Variants in ARNT2 observed in about 807,000 individuals in gnomAD.
ARNT2 encodes ARNT protein 2.
In ARNT2, 36 loss-of-function variants were observed where a neutral mutation model predicts 91.7. The observed-to-expected ratio is 0.39, with a 90% CI of 0.30 to 0.52. The LOEUF (loss-of-function observed/expected upper bound fraction) is 0.52. Ranked by LOEUF, ARNT2 falls within the 20% of genes least tolerant of loss-of-function variation. The pLI, the probability that ARNT2 is intolerant of heterozygous loss-of-function variation, is 0.72. For synonymous variants in ARNT2, 365 were observed against 347.1 expected (o/e 1.05, Z -0.57); for missense variants, 775 against 939.3 (o/e 0.83, Z 2.29).
intron 1 of ARNT2, among the ~76,000 whole-genome samples, chr15:80,428,415 C>G (rs1443897879): frequency 6.6e-6 from 1 of 152,206 alleles, no homozygotes; most frequent in African/African-American, 2.4e-5. Flanking sequence ...AAGTGAGGAA[C>G]CTGGATGTGG....
At chr15:80,582,776 A>G (rs1567008151) in intron 17 of ARNT2, among the ~76,000 whole-genome samples, 1 of 152,088 alleles carries the variant, frequency 6.6e-6, no homozygotes, top group East Asian at 1.9e-4. Flanking sequence ...GGAAGGAGAA[A>G]CCCCATAGCA....
At chr15:80,494,012 T>G (rs113909504) in intron 5 of ARNT2, among the ~76,000 whole-genome samples, 1,585 of 152,316 alleles carry the variant, frequency 0.01, 28 homozygotes, top group African/African-American at 0.037. Flanking sequence ...GCCATGATGC[T>G]TCCTGGAGTC....
At chr15:80,453,722 G>A (rs75665008) in intron 2 of ARNT2, among the ~76,000 whole-genome samples, 2,609 of 152,260 alleles carry the variant, frequency 0.017, 73 homozygotes, top group African/African-American at 0.059. Context: ...CTGATGGCAT[G>A]GTGTTCTTCC....
chr15:80,515,661 A>T lies in ARNT2; in HGVS notation c.877+1256A>T, dbSNP rs546585573. Among the ~76,000 whole-genome samples, 3 of 152,144 alleles carry T rather than the reference A, an allele frequency of 2.0e-5. No homozygotes were observed. The South Asian group carries it at 6.2e-4, about 32-fold the overall frequency. On this transcript the variant is annotated intron_variant, in intron 8 of 18. Coordinates refer to ENST00000303329, the MANE Select transcript of ARNT2 (RefSeq NM_014862.4). ...AGGTGTTCTAAAATTACATAGTGGT[A>T]ATAGTTGCACTGCTATGTAACTATA...
chr15:80,551,097 A>G, intron 8 of ARNT2, 102 bp from the exon 9 acceptor site: 5 of 1,151,492 alleles, frequency 4.3e-6, no homozygotes, highest in Non-Finnish European at 6.4e-6. Flanking sequence ...CATGGCCAAC[A>G]CTCACTGTAT....
At chr15:80,530,062 G>A (rs1246741576) in intron 8 of ARNT2, among the ~76,000 whole-genome samples, 3 of 152,084 alleles carry the variant, frequency 2.0e-5, no homozygotes, top group African/African-American at 7.2e-5. Flanking sequence ...CCTTAACTCG[G>A]TATCTTCTTT....
At chr15:80,409,651 A>G (rs538015479) in intron 1 of ARNT2, among the ~76,000 whole-genome samples, 3 of 152,358 alleles carry the variant, frequency 2.0e-5, no homozygotes, top group African/African-American at 4.8e-5. Flanking sequence ...CTAGCAAGAC[A>G]AATAGTCACA....
intron 1 of ARNT2, among the ~76,000 whole-genome samples, chr15:80,435,373 C>T (rs1370485472): frequency 6.6e-6 from 1 of 152,214 alleles, no homozygotes; most frequent in Non-Finnish European, 1.5e-5. Flanking sequence ...GTAACTTCCT[C>T]CTGAGAAGAG....
intron 8 of ARNT2, among the ~76,000 whole-genome samples, chr15:80,529,186 T>C (rs1322286649): frequency 6.6e-6 from 1 of 152,248 alleles, no homozygotes; most frequent in Non-Finnish European, 1.5e-5. Context: ...GGGTTTCTTC[T>C]TGGTCCCTCC....
chr15:80,551,516 GT>G (rs944888908), intron 9 of ARNT2, among the ~76,000 whole-genome samples: 2 of 152,138 alleles, frequency 1.3e-5, no homozygotes, highest in Non-Finnish European at 2.9e-5. Context: ...GCTTGTGCTG[GT>G]TGCCACAAAC....
intron 3 of ARNT2, among the ~76,000 whole-genome samples, chr15:80,458,194 T>G (rs868209535): frequency 2.0e-5 from 3 of 152,268 alleles, no homozygotes; most frequent in Admixed American, 6.5e-5. Context: ...AATAAGTTAT[T>G]AACTCTGTTT....
At chr15:80,433,589 A>G (rs8034099) in intron 1 of ARNT2, among the ~76,000 whole-genome samples, 124,708 of 152,082 alleles carry the variant, frequency 0.82, 51,249 homozygotes, top group East Asian at 0.86. Context: ...GTGAGCCACC[A>G]CACCCAGCCT....
chr15:80,410,541 G>A (rs75951799), intron 1 of ARNT2, among the ~76,000 whole-genome samples: 1 of 152,312 alleles, frequency 6.6e-6, no homozygotes, highest in African/African-American at 2.4e-5. Context: ...AGGAAACAAA[G>A]AGGGATGTTG....
chr15:80,509,461 T>C (rs1343803229), intron 6 of ARNT2, among the ~76,000 whole-genome samples: 2 of 146,014 alleles, frequency 1.4e-5, no homozygotes, highest in Non-Finnish European at 3.0e-5. Context: ...GAGACTAAAA[T>C]AATAATAATA....
At chr15:80,463,403 C>T (rs1896589935) in intron 3 of ARNT2, among the ~76,000 whole-genome samples, 1 of 152,224 alleles carries the variant, frequency 6.6e-6, no homozygotes, top group South Asian at 2.1e-4. Flanking sequence ...ATGAACCAGA[C>T]AAGTGTTGCA....
chr15:80,531,604 A>G (rs1294773126), intron 8 of ARNT2, among the ~76,000 whole-genome samples: 1 of 152,200 alleles, frequency 6.6e-6, no homozygotes, highest in African/African-American at 2.4e-5. Context: ...CTCAAAGCAG[A>G]GTGTTCTTTT....
Position 80,450,873 on chromosome 15 carries a change from A to C in ARNT2, c.32-7A>C. 6.2e-7 allele frequency: 1 copy of C among 1,614,070 alleles called. No individual in the cohort carries two copies. Among genetic ancestry groups the C allele is most frequent in the Non-Finnish European group, 8.5e-7 (1 of 1,179,902 alleles). On this transcript the variant is annotated splice_polypyrimidine_tract_variant and splice_region_variant and intron_variant, in intron 1 of 18. Transcript: ENST00000303329. Reference sequence around the variant, plus strand: ...TGACAAAACCTCTTGTCTTTGCTGAATTCCAGAAATGGCTTCAGACATACC... The same window carrying C: ...TGACAAAACCTCTTGTCTTTGCTGACTTCCAGAAATGGCTTCAGACATACC...
intron 8 of ARNT2, among the ~76,000 whole-genome samples, chr15:80,531,313 C>T (rs1897736314): frequency 1.3e-5 from 2 of 152,208 alleles, no homozygotes; most frequent in South Asian, 4.1e-4. Context: ...TCCCAAACAG[C>T]AGTTTCCAGT....
chr15:80,578,643 A>G lies in ARNT2; in HGVS notation c.1613+1678A>G, dbSNP rs1002016577. Among the ~76,000 whole-genome samples the G allele has an allele frequency of 2.6e-5, 4 of 151,864 alleles. No homozygotes were observed. The South Asian group carries it at 8.3e-4, about 32-fold the overall frequency. On this transcript the variant is annotated intron_variant, in intron 15 of 18. Coordinates refer to ENST00000303329, the MANE Select transcript of ARNT2 (RefSeq NM_014862.4). ...ATAGAAACAAAAATGTAGGGTGCAC[A>G]GGGCAGTGATGAGTGATGGGGAAGG... is the stretch of plus-strand genomic sequence containing the variant.
Sources: allele counts gnomAD v4.1 joint callset (sites outside exome capture counted in the v4.1 genomes callset), GRCh38; gene constraint gnomAD v4.1.1; transcripts MANE v1.5; gene names NCBI Gene and HGNC (gene_info 2026-07-23, HGNC 2026-07-21).